Variants in GRID2 observed in about 807,000 individuals in gnomAD.
The protein encoded by GRID2 is glutamate receptor ionotropic, delta-2.
Under a neutral mutation model 114.8 loss-of-function variants are expected in GRID2, and 33 were observed. That is an observed-to-expected ratio of 0.29 (90% CI 0.22 to 0.38). The LOEUF is 0.38. GRID2 is among the 10% of genes least tolerant of loss of function. The pLI, the probability that GRID2 is intolerant of heterozygous loss-of-function variation, is 1.00. For synonymous variants in GRID2, 505 were observed against 449.9 expected (o/e 1.12, Z -1.55); for missense variants, 1,184 against 1,257.7 (o/e 0.94, Z 0.89).
chr4:93,328,563 G>T (rs1459299658), intron 8 of GRID2, among the ~76,000 whole-genome samples: 4 of 152,016 alleles, frequency 2.6e-5, no homozygotes, highest in Non-Finnish European at 5.9e-5. Context: ...ACAATCTAAA[G>T]CTATTACATA....
intron 8 of GRID2, among the ~76,000 whole-genome samples, chr4:93,337,541 G>A (rs1759210537): frequency 6.6e-6 from 1 of 152,146 alleles, no homozygotes; most frequent in Admixed American, 6.5e-5. Context: ...TTGCTTCGAA[G>A]GGAGACACTA....
At chr4:92,925,955 T>C (rs927160609) in intron 2 of GRID2, among the ~76,000 whole-genome samples, 3 of 152,160 alleles carry the variant, frequency 2.0e-5, no homozygotes, top group Middle Eastern at 6.8e-3. Context: ...TGTGTTTTTG[T>C]AGTCACTACT....
intron 1 of GRID2, among the ~76,000 whole-genome samples, chr4:92,410,566 T>G (rs990913673): frequency 6.6e-6 from 1 of 152,282 alleles, no homozygotes; most frequent in Admixed American, 6.5e-5. Flanking sequence ...ACAGTTTTCA[T>G]ACAGAAGCAA....
intron 14 of GRID2, among the ~76,000 whole-genome samples, chr4:93,719,100 A>G (rs1037005517): frequency 5.3e-5 from 8 of 151,872 alleles, no homozygotes; most frequent in African/African-American, 1.9e-4. Context: ...AGAAAATGTG[A>G]CAATTCCATT....
intron 3 of GRID2, among the ~76,000 whole-genome samples, chr4:93,107,209 G>A (rs1732322363): frequency 6.6e-6 from 1 of 152,130 alleles, no homozygotes; most frequent in African/African-American, 2.4e-5. Context: ...TGAGGTGGGA[G>A]GATCGCTTAA....
At chr4:92,378,453 T>C (rs1579265443) in intron 1 of GRID2, among the ~76,000 whole-genome samples, 1 of 152,148 alleles carries the variant, frequency 6.6e-6, no homozygotes, top group East Asian at 1.9e-4. Flanking sequence ...GTCCTTGACA[T>C]AATAAAAATT....
chr4:93,500,055 G>T (rs1325166772), intron 12 of GRID2, among the ~76,000 whole-genome samples: 1 of 151,960 alleles, frequency 6.6e-6, no homozygotes, highest in African/African-American at 2.4e-5. Context: ...AGAGAGCTTT[G>T]CAGAAAAGAA....
chr4:92,674,881 T>A (rs537642690), intron 2 of GRID2, among the ~76,000 whole-genome samples: 104 of 152,358 alleles, frequency 6.8e-4, no homozygotes, highest in African/African-American at 2.3e-3. Context: ...AGCTGTTTTA[T>A]TGATTTTTTT....
chr4:93,397,165 T>C (rs1765410247), intron 9 of GRID2, among the ~76,000 whole-genome samples: 1 of 152,042 alleles, frequency 6.6e-6, no homozygotes, highest in Admixed American at 6.6e-5. Context: ...GCATATTTTC[T>C]ATGAAAGGAC....
intron 13 of GRID2, among the ~76,000 whole-genome samples, chr4:93,535,991 A>G (rs1436076721): frequency 6.6e-6 from 1 of 151,980 alleles, no homozygotes; most frequent in Non-Finnish European, 1.5e-5. Flanking sequence ...GCCAAGATAA[A>G]TTTAACTAAG....
At chr4:92,878,838 A>G (rs1392025900) in intron 2 of GRID2, among the ~76,000 whole-genome samples, 2 of 152,166 alleles carry the variant, frequency 1.3e-5, no homozygotes, top group African/African-American at 2.4e-5. Context: ...ATAAATGAAT[A>G]GGAAAATCTC....
chr4:92,422,545 T>G (rs1488263357), intron 1 of GRID2, among the ~76,000 whole-genome samples: 1 of 152,102 alleles, frequency 6.6e-6, no homozygotes. Context: ...TGTTAATTAG[T>G]TAGGTAGGAG....
At chr4:93,568,393 A>T (rs1468727786) in intron 13 of GRID2, among the ~76,000 whole-genome samples, 1 of 152,122 alleles carries the variant, frequency 6.6e-6, no homozygotes, top group Non-Finnish European at 1.5e-5. Flanking sequence ...ATATTATTGG[A>T]TGTTACAAAG....
intron 2 of GRID2, among the ~76,000 whole-genome samples, chr4:92,873,598 T>C (rs1745427884): frequency 6.6e-6 from 1 of 152,184 alleles, no homozygotes; most frequent in East Asian, 1.9e-4. Context: ...AAGCCTTGTA[T>C]ATCTAAAGCT....
chr4:92,447,965 TAAAC>T (rs1400458404), intron 1 of GRID2, among the ~76,000 whole-genome samples: 1 of 152,166 alleles, frequency 6.6e-6, no homozygotes, highest in African/African-American at 2.4e-5. Flanking sequence ...TGAAGTGCTT[TAAAC>T]AAATAAACAA....
chr4:92,811,309 A>T lies in GRID2; in HGVS notation c.244+221023A>T, dbSNP rs192528068. On this transcript the variant is annotated intron_variant, in intron 2 of 15. Transcript: ENST00000282020. Reference sequence around the variant, plus strand: ...TTTACTCTGACTCCAGTGTATATGCATTGGAAAAGGAAAATTCCGTGTTTT... The same window carrying T: ...TTTACTCTGACTCCAGTGTATATGCTTTGGAAAAGGAAAATTCCGTGTTTT... Among the ~76,000 whole-genome samples the T allele has an allele frequency of 1.2e-4, 19 of 152,240 alleles. No homozygotes were observed. In the East Asian group the frequency reaches 3.7e-3, roughly 29 times the overall value.
chr4:93,158,177 A>G (rs1390236172), intron 4 of GRID2, among the ~76,000 whole-genome samples: 3 of 151,794 alleles, frequency 2.0e-5, no homozygotes, highest in African/African-American at 7.2e-5. Flanking sequence ...TTCTGCCACT[A>G]GAGGGAAAGA....
intron 12 of GRID2, among the ~76,000 whole-genome samples, chr4:93,511,038 G>A (rs1388942406): frequency 2.0e-5 from 3 of 152,132 alleles, no homozygotes; most frequent in African/African-American, 7.2e-5. Context: ...CTGGGTTCAA[G>A]TGATTCCCCT....
At chr4:92,355,570 A>AT (rs1728280068) in intron 1 of GRID2, among the ~76,000 whole-genome samples, 1 of 151,870 alleles carries the variant, frequency 6.6e-6, no homozygotes, top group Non-Finnish European at 1.5e-5. Context: ...CTCATACACT[A>AT]TTTAACTTTA....
Sources: gnomAD v4.1 joint callset for allele counts (sites outside exome capture counted in the v4.1 genomes callset) on GRCh38, gnomAD v4.1.1 for gene constraint, MANE v1.5 for transcripts, NCBI Gene and HGNC (gene_info 2026-07-23, HGNC 2026-07-21) for gene names.